The following ROBO2 variants were observed in gnomAD, a reference collection of about 807,000 sequenced individuals.
ROBO2 encodes roundabout guidance receptor 2, also known as roundabout homolog 2.
In ROBO2, 53 loss-of-function variants were observed where a neutral mutation model predicts 160.8. That is an observed-to-expected ratio of 0.33 (90% CI 0.26 to 0.41). The LOEUF is 0.41. ROBO2 is among the 10% of genes least tolerant of loss of function. The probability of loss-of-function intolerance (pLI) is 1.00; values close to 1 mark genes in which losing one functional copy is unlikely to be tolerated. For synonymous variants in ROBO2, 664 were observed against 611.7 expected, an observed-to-expected ratio of 1.09 and a Z score of -1.26; for missense variants, 1,577 against 1,722.4, an observed-to-expected ratio of 0.92 and a Z score of 1.49.
intron 2 of ROBO2, among the ~76,000 whole-genome samples, chr3:77,229,751 A>T (rs2086933658): frequency 6.6e-6 from 1 of 151,548 alleles, no homozygotes; most frequent in Admixed American, 6.6e-5. Context: ...TGCTTGCTGC[A>T]GTCTGGGGCA....
At position 75,949,901 on chromosome 3, in the gene ROBO2, AT is replaced by A. The variant is rs375023262; in HGVS notation, c.109+12304del. Among the ~76,000 whole-genome samples the A allele has an allele frequency of 8.5e-5, 13 of 152,138 alleles. No individual in the cohort carries two copies. In the East Asian group the frequency reaches 1.9e-3, roughly 23 times the overall value. The stretch of plus-strand genomic sequence containing the variant: ...AATGCATTTTTTCTCGTGTTTAATC[AT>A]TTTTGTATGCTAAATCATTTGCAAA... On this transcript the variant is annotated intron_variant, in intron 2 of 26. Coordinates refer to the ROBO2 transcript ENST00000487694.
intron 2 of ROBO2, among the ~76,000 whole-genome samples, chr3:76,325,203 G>T (rs965764169): frequency 2.6e-5 from 4 of 152,112 alleles, no homozygotes; most frequent in African/African-American, 9.7e-5. Flanking sequence ...CAATGTAAAC[G>T]CTCTGCTGTA....
At chr3:76,562,983 CTGTT>C (rs1480796924) in intron 2 of ROBO2, among the ~76,000 whole-genome samples, 1 of 151,446 alleles carries the variant, frequency 6.6e-6, no homozygotes, top group Non-Finnish European at 1.5e-5. Flanking sequence ...CTTCATCTAT[CTGTT>C]TACTTTTCTG....
chr3:76,976,297 A>G (rs1023971179), intron 2 of ROBO2, among the ~76,000 whole-genome samples: 16 of 152,212 alleles, frequency 1.1e-4, no homozygotes, highest in African/African-American at 3.6e-4. Context: ...CCCCATAGTT[A>G]GGTCATTGTT....
At chr3:76,664,430 G>A (rs921170660) in intron 2 of ROBO2, among the ~76,000 whole-genome samples, 9 of 152,200 alleles carry the variant, frequency 5.9e-5, no homozygotes, top group Non-Finnish European at 1.3e-4. Flanking sequence ...TCATTTAGAA[G>A]GAAGTATACC....
At chr3:77,372,931 G>A (rs2071989211) in intron 2 of ROBO2, among the ~76,000 whole-genome samples, 1 of 151,810 alleles carries the variant, frequency 6.6e-6, no homozygotes, top group Non-Finnish European at 1.5e-5. Context: ...GGAAGTATAT[G>A]TGCTTCTGTA....
intron 1 of ROBO2, among the ~76,000 whole-genome samples, chr3:77,042,699 A>G (rs907002205): frequency 7.9e-5 from 12 of 151,478 alleles, no homozygotes; most frequent in African/African-American, 2.7e-4. Context: ...CCCTCCTTTC[A>G]TTCCTCCCTC....
chr3:77,487,909 G>T (rs967584941), intron 4 of ROBO2, among the ~76,000 whole-genome samples: 1 of 152,086 alleles, frequency 6.6e-6, no homozygotes, highest in African/African-American at 2.4e-5. Flanking sequence ...CAATTTTAAA[G>T]CCATTTTCAA....
intron 14 of ROBO2, among the ~76,000 whole-genome samples, chr3:77,576,025 G>T (rs1219061126): frequency 2.0e-5 from 3 of 152,082 alleles, no homozygotes; most frequent in East Asian, 1.9e-4. Context: ...ACGAAGCTGA[G>T]TCCTGGAATA....
chr3:77,564,628 T>A (rs2093426946), intron 11 of ROBO2: 1 of 441,186 alleles, frequency 2.3e-6, no homozygotes, highest in South Asian at 2.0e-5. Context: ...ATACTTATTG[T>A]ATAAACTTGA....
chr3:76,747,735 A>G (rs947494072), intron 2 of ROBO2, among the ~76,000 whole-genome samples: 3 of 151,968 alleles, frequency 2.0e-5, no homozygotes, highest in African/African-American at 7.2e-5. Context: ...TTTAAGTGTT[A>G]CAGAAAACAT....
intron 2 of ROBO2, among the ~76,000 whole-genome samples, chr3:76,658,492 G>A (rs936931726): frequency 4.0e-5 from 6 of 151,676 alleles, no homozygotes; most frequent in Admixed American, 3.3e-4. Context: ...CCCTAGCCTC[G>A]CACCCCGCAA....
At chr3:76,571,240 G>C (rs928083651) in intron 2 of ROBO2, among the ~76,000 whole-genome samples, 1 of 152,092 alleles carries the variant, frequency 6.6e-6, no homozygotes, top group Admixed American at 6.5e-5. Flanking sequence ...TGTATGTGTA[G>C]GTCATGTTAC....
At chr3:76,304,435 A>G (rs537985003) in intron 2 of ROBO2, among the ~76,000 whole-genome samples, 48 of 152,356 alleles carry the variant, frequency 3.2e-4, no homozygotes, top group Non-Finnish European at 2.9e-4. Context: ...ATATGTATCT[A>G]TATATGTAAT....
intron 2 of ROBO2, among the ~76,000 whole-genome samples, chr3:76,097,023 A>G (rs2069480051): frequency 6.6e-6 from 1 of 152,144 alleles, no homozygotes; most frequent in Admixed American, 6.5e-5. Context: ...GTAAACATAG[A>G]TTGTCTGCTA....
chr3:76,770,315 T>A (rs938796443), intron 2 of ROBO2, among the ~76,000 whole-genome samples: 1 of 151,364 alleles, frequency 6.6e-6, no homozygotes, highest in Non-Finnish European at 1.5e-5. Flanking sequence ...TTTTTCATCA[T>A]AATTTCTCAG....
At chr3:76,851,499 G>C (rs1266998523) in intron 2 of ROBO2, among the ~76,000 whole-genome samples, 2 of 151,906 alleles carry the variant, frequency 1.3e-5, no homozygotes, top group East Asian at 3.9e-4. Context: ...ACTTTGGGAG[G>C]CCGAGGCGGG....
At chr3:76,920,181 T>A (rs923539781) in intron 2 of ROBO2, among the ~76,000 whole-genome samples, 1 of 152,254 alleles carries the variant, frequency 6.6e-6, no homozygotes, top group East Asian at 1.9e-4. Flanking sequence ...TTTCCTTTTT[T>A]TTTGAGAGGA....
At chr3:76,959,715 A>G (rs2079516966) in intron 2 of ROBO2, among the ~76,000 whole-genome samples, 1 of 152,180 alleles carries the variant, frequency 6.6e-6, no homozygotes, top group African/African-American at 2.4e-5. Flanking sequence ...TTAAATAAGT[A>G]GTAATTTGGA....
Sources: gnomAD v4.1 joint callset for allele counts (sites outside exome capture counted in the v4.1 genomes callset) on GRCh38, gnomAD v4.1.1 for gene constraint, MANE v1.5 for transcripts, NCBI Gene and HGNC (gene_info 2026-07-23, HGNC 2026-07-21) for gene names.